Variants in PAAF1 observed in about 807,000 individuals in gnomAD.
PAAF1 encodes proteasomal ATPase associated factor 1, also known as proteasomal ATPase-associated factor 1.
Under a neutral mutation model 52.8 loss-of-function variants are expected in PAAF1, and 46 were observed. The ratio of observed to expected loss-of-function variants is 0.87; its 90% CI spans 0.69 to 1.11. PAAF1 has a LOEUF of 1.11. PAAF1 is among the 50% of genes most tolerant of loss of function. The pLI, the probability that PAAF1 is intolerant of heterozygous loss-of-function variation, is 0.00. For missense variants in PAAF1, 424 were observed against 477.4 expected (o/e 0.89, Z 1.04); for synonymous variants, 178 against 172.8 (o/e 1.03, Z -0.24).
chr11:73,915,975 T>C (rs1950051970), intron 8 of PAAF1, among the ~76,000 whole-genome samples: 1 of 152,220 alleles, frequency 6.6e-6, no homozygotes, highest in African/African-American at 2.4e-5. Flanking sequence ...TTTTTGTTTG[T>C]TTATTTTGTT....
chr11:73,921,078 T>G (rs1156265572), intron 10 of PAAF1, among the ~76,000 whole-genome samples: 1 of 151,978 alleles, frequency 6.6e-6, no homozygotes, highest in Admixed American at 6.6e-5. Context: ...GGCGGGTGGA[T>G]CAGCTGAGGT....
chr11:73,927,380 T>G lies in PAAF1; in HGVS notation c.*18T>G, dbSNP rs774914382. The G allele has an allele frequency of 6.2e-7, 1 of 1,603,466 alleles. No homozygotes were observed. On this transcript the variant is annotated 3_prime_UTR_variant, in exon 12 of 12. Transcript: ENST00000310571. Reference sequence around the variant, plus strand: ...ACCTCTGACTTCTTGGAAAGAGCAGTCCCGGTTAGTGAAAAGGTTTGACCC... The same window carrying G: ...ACCTCTGACTTCTTGGAAAGAGCAGGCCCGGTTAGTGAAAAGGTTTGACCC...
chr11:73,911,398 G>A (rs966594200), intron 7 of PAAF1, among the ~76,000 whole-genome samples: 7 of 152,062 alleles, frequency 4.6e-5, no homozygotes, highest in African/African-American at 1.7e-4. Context: ...GCCCAGGCTG[G>A]TGTTGAACTC....
intron 4 of PAAF1, among the ~76,000 whole-genome samples, chr11:73,892,325 CA>C (rs150332375): frequency 0.16 from 13,081 of 81,680 alleles, 812 homozygotes; most frequent in African/African-American, 0.31. Flanking sequence ...ACTGTCTCAC[CA>C]AAAAAAAAAA....
Position 73,902,280 on chromosome 11 carries a change from G to A in PAAF1, c.532+1860G>A, listed in dbSNP as rs139234003. On this transcript the variant is annotated intron_variant, in intron 6 of 11. Coordinates refer to ENST00000310571, the MANE Select transcript of PAAF1 (RefSeq NM_025155.3). ...GTTTACTTCCATGATGTAAGAAAAC[G>A]GGTACATTGAGAGGGAATAGAAACA... Among the ~76,000 whole-genome samples, 52 of 152,258 alleles carry A rather than the reference G, an allele frequency of 3.4e-4. No homozygotes were observed. In the East Asian group the frequency reaches 6.2e-3, roughly 18 times the overall value.
chr11:73,878,346 C>T (rs1176157946), intron 1 of PAAF1, among the ~76,000 whole-genome samples: 3 of 152,066 alleles, frequency 2.0e-5, no homozygotes, highest in Non-Finnish European at 4.4e-5. Flanking sequence ...TCCATTATAC[C>T]CTAAAAGTGC....
chr11:73,909,808 C>T (rs186420411), intron 7 of PAAF1, among the ~76,000 whole-genome samples: 77 of 152,252 alleles, frequency 5.1e-4, no homozygotes, highest in Non-Finnish European at 1.3e-4. Context: ...TCAGTAAGTA[C>T]AATCTAATGT....
rs1846722188 is a variant in PAAF1, at chr11:73,929,890, C to T, written c.*2528C>T. The T allele has an allele frequency of 1.3e-5, 2 of 151,634 alleles. No individual in the cohort carries two copies. The highest frequency in any genetic ancestry group is 4.9e-5 in the African/African-American group (2 of 41,222). 9.4% of individuals were successfully genotyped at this position (151,634 alleles called of 1,614,324 possible). ...TGACCAACATGGAGAAACCCCGTCTCTACTAAAAATACAGAATTAGCCGGG... is the reference window on the plus strand; with the variant it reads ...TGACCAACATGGAGAAACCCCGTCTTTACTAAAAATACAGAATTAGCCGGG... On this transcript the variant is annotated 3_prime_UTR_variant, in exon 12 of 12. Coordinates refer to ENST00000310571, the MANE Select transcript of PAAF1 (RefSeq NM_025155.3).
At position 73,916,647 on chromosome 11, in the gene PAAF1, G is replaced by T; in HGVS notation, c.922G>T (p.Val308Leu). ...AGATGGAAACATTTATCAGCTGGAT[G>T]TGAGGAGTCCAAGGTGAGTCACCAT... Reference protein sequence around the residue: ...TQDGNIYQLDVRSPRAPVQVI... With the variant: ...TQDGNIYQLDLRSPRAPVQVI... Residue 308 changes from valine (V) to leucine (L), a missense_variant, in exon 9 of 12, where the codon GTG (valine) becomes TTG (leucine). Coordinates refer to ENST00000310571, the MANE Select transcript of PAAF1 (RefSeq NM_025155.3). The T allele has an allele frequency of 6.2e-7, 1 of 1,613,468 alleles. No individual in the cohort carries two copies.
chr11:73,916,060 A>G (rs1950053853), intron 8 of PAAF1, among the ~76,000 whole-genome samples: 2 of 152,190 alleles, frequency 1.3e-5, no homozygotes, highest in Non-Finnish European at 2.9e-5. Flanking sequence ...AAATAAAACT[A>G]TAATAATTTT....
intron 6 of PAAF1, among the ~76,000 whole-genome samples, chr11:73,907,220 C>T (rs1047481326): frequency 6.6e-6 from 1 of 152,036 alleles, no homozygotes; most frequent in Admixed American, 6.6e-5. Flanking sequence ...AATCGATAGG[C>T]ATTTTGGACA....
intron 2 of PAAF1, among the ~76,000 whole-genome samples, chr11:73,881,898 G>C (rs1403863102): frequency 2.6e-5 from 4 of 151,786 alleles, no homozygotes; most frequent in East Asian, 3.9e-4. Context: ...TTTTGAGATG[G>C]AGCTTTGCTC....
intron 4 of PAAF1, among the ~76,000 whole-genome samples, chr11:73,896,477 G>A (rs917898777): frequency 2.0e-5 from 3 of 150,776 alleles, no homozygotes; most frequent in African/African-American, 7.3e-5. Flanking sequence ...CTGGGTACTT[G>A]AGATTAGGGA....
chr11:73,893,906 A>C (rs1006648033), intron 4 of PAAF1, among the ~76,000 whole-genome samples: 2 of 152,078 alleles, frequency 1.3e-5, no homozygotes, highest in Non-Finnish European at 2.9e-5. Context: ...AAAAAAATTA[A>C]AAGTTAGCCA....
At chr11:73,924,153 C>A (rs1292042203) in intron 10 of PAAF1, among the ~76,000 whole-genome samples, 2 of 152,152 alleles carry the variant, frequency 1.3e-5, no homozygotes, top group African/African-American at 4.8e-5. Context: ...CACTATAGAT[C>A]ATCATAATTG....
In PAAF1 at chr11:73,914,481, T is replaced by A; in HGVS notation, c.796T>A (p.Leu266Met). ...LAREDKKLQC[L>M]GLQSRQLVFL... ...CCGGGAAGATAAGAAACTTCAGTGC[T>A]TGGGACTACAGAGCAGGCAGCTGGC... Residue 266 changes from leucine (L) to methionine (M), a missense_variant, in exon 8 of 12, where the codon TTG becomes ATG. Transcript: ENST00000310571. The A allele has an allele frequency of 6.2e-7, 1 of 1,614,026 alleles. No individual in the cohort carries two copies. The highest frequency in any genetic ancestry group is 1.3e-5 in the African/African-American group (1 of 75,034).
Position 73,901,714 on chromosome 11 carries a change from G to A in PAAF1, c.532+1294G>A, listed in dbSNP as rs532766028. ...GCTTCCCAAGTAGCTGGGACTACGG[G>A]TACACGCCCCACACCTGGCTAATTT... is the stretch of plus-strand genomic sequence containing the variant. On this transcript the variant is annotated intron_variant, in intron 6 of 11. Transcript: ENST00000310571. Among the ~76,000 whole-genome samples the A allele has an allele frequency of 5.3e-5, 8 of 152,012 alleles. No individual in the cohort carries two copies. In the East Asian group the frequency reaches 1.5e-3, roughly 29 times the overall value.
intron 6 of PAAF1, 36 bp from the exon 7 acceptor site, chr11:73,909,363 C>T: frequency 6.2e-7 from 1 of 1,600,176 alleles, no homozygotes; most frequent in East Asian, 2.2e-5. Flanking sequence ...TCCTTTACTC[C>T]ATCCTCCATC....
chr11:73,923,611 C>G (rs1248398446), intron 10 of PAAF1, among the ~76,000 whole-genome samples: 1 of 152,186 alleles, frequency 6.6e-6, no homozygotes, highest in African/African-American at 2.4e-5. Context: ...TCTTGGCTCA[C>G]TGCAACCTCT....
Sources: gnomAD v4.1 joint callset for allele counts (sites outside exome capture counted in the v4.1 genomes callset) on GRCh38, gnomAD v4.1.1 for gene constraint, MANE v1.5 for transcripts, NCBI Gene and HGNC (gene_info 2026-07-23, HGNC 2026-07-21) for gene names.